MON2: variants seen among roughly 807,000 people sequenced by gnomAD.
MON2 encodes the protein MON2 regulator of endosome-to-Golgi trafficking.
A neutral mutation model predicts 208.6 loss-of-function variants in MON2; 84 were observed. That is an observed-to-expected ratio of 0.40 (90% CI 0.34 to 0.48). The LOEUF is 0.48. Ranked by LOEUF, MON2 falls within the 20% of genes least tolerant of loss-of-function variation. The pLI is 0.59. For missense variants in MON2, 1,611 were observed against 2,015.4 expected (o/e 0.80, Z 3.84); for synonymous variants, 660 against 694.0 (o/e 0.95, Z 0.77).
At chr12:62,562,321 A>G (rs1179953903) in intron 26 of MON2, among the ~76,000 whole-genome samples, 1 of 152,006 alleles carries the variant, frequency 6.6e-6, no homozygotes, top group Non-Finnish European at 1.5e-5. Context: ...TTTTTCAGAA[A>G]AAAATGTAAG....
intron 8 of MON2, among the ~76,000 whole-genome samples, chr12:62,514,172 G>T (rs939346483): frequency 3.9e-5 from 6 of 152,246 alleles, no homozygotes; most frequent in Middle Eastern, 3.4e-3. Context: ...GTCCTTATCA[G>T]CATTTTGGTC....
intron 4 of MON2, 36 bp downstream of exon 4, chr12:62,495,183 T>G: frequency 4.5e-6 from 7 of 1,548,458 alleles, no homozygotes; most frequent in African/African-American, 1.4e-5. Context: ...ATATGTGCTT[T>G]GAGACAGTAT....
intron 2 of MON2, among the ~76,000 whole-genome samples, chr12:62,489,048 C>T (rs2069960293): frequency 6.6e-6 from 1 of 152,006 alleles, no homozygotes; most frequent in African/African-American, 2.4e-5. Context: ...TATGATATTT[C>T]AGCAAGTGGA....
At chr12:62,504,289 G>A (rs2070993479) in intron 7 of MON2, among the ~76,000 whole-genome samples, 1 of 144,496 alleles carries the variant, frequency 6.9e-6, no homozygotes, top group Non-Finnish European at 1.5e-5. Context: ...CTGTCGCCCA[G>A]GTTGGAGTGC....
chr12:62,588,882 C>T, intron 34 of MON2: 5 of 1,479,676 alleles, frequency 3.4e-6, no homozygotes, highest in Non-Finnish European at 4.5e-6. Context: ...TGGAATACCA[C>T]CCTACTTTTA....
chr12:62,557,963 T>TATATATATATATATA (rs1491431148), intron 25 of MON2, among the ~76,000 whole-genome samples: 11 of 19,554 alleles, frequency 5.6e-4, no homozygotes, highest in African/African-American at 1.8e-3. Flanking sequence ...TATATATATA[T>TATATATATATATATA]TTTTTTTTTT....
rs529596767 is a variant in MON2 at position 62,544,994 on chromosome 12, C to T, written c.2563C>T (p.Leu855Phe). The T allele has an allele frequency of 6.3e-7, 1 of 1,583,192 alleles. No homozygotes were observed. The highest frequency in any genetic ancestry group is 8.6e-7 in the Non-Finnish European group (1 of 1,164,168). Residue 855 changes from leucine (L) to phenylalanine (F), a missense_variant, in exon 21 of 35, where the codon CTC becomes TTC. Leu to Phe is a conservative substitution (Grantham distance 22, BLOSUM62 0). Coordinates refer to ENST00000393630, the MANE Select transcript of MON2 (RefSeq NM_015026.3). ...ATTAACATTTAACCATGATCCTCCA[C>T]TCTCACAAAACCAGGTAATAAAAAC... ...AGLTFNHDPPLSQNQRLQLLL... is the reference protein window; with the variant it reads ...AGLTFNHDPPFSQNQRLQLLL...
At chr12:62,568,947 C>T (rs371084414) in intron 29 of MON2, among the ~76,000 whole-genome samples, 15 of 152,090 alleles carry the variant, frequency 9.9e-5, no homozygotes, top group African/African-American at 1.7e-4. Context: ...AACACCATGC[C>T]GAGCCACTCA....
At chr12:62,589,929 G>A (rs2075343268) in intron 34 of MON2, among the ~76,000 whole-genome samples, 3 of 152,120 alleles carry the variant, frequency 2.0e-5, no homozygotes, top group Admixed American at 2.0e-4. Context: ...CTGGGTCTAT[G>A]AAGTGAAAAT....
At chr12:62,578,333 C>A in intron 30 of MON2, 112 bp from the exon 31 acceptor site, 1 of 680,230 alleles carries the variant, frequency 1.5e-6, no homozygotes, top group Non-Finnish European at 2.5e-6. Flanking sequence ...TAATAATGCC[C>A]CAACCTGGGT....
At chr12:62,490,024 CT>C (rs1352170130) in intron 2 of MON2, 29 of 1,209,852 alleles carry the variant, frequency 2.4e-5, no homozygotes, top group Admixed American at 5.1e-5. Flanking sequence ...TAGTTTAATT[CT>C]TTTTTTCCAG....
At position 62,467,022 on chromosome 12, in the gene MON2, C is replaced by T. The variant is rs2068549474; in HGVS notation, c.-186C>T. Reference sequence around the variant, plus strand: ...CTGCGGGGGGCGCCTCCGAGAAAAGCCAGAGGTGTTGCGGGGAAGCTGCTG... The same window carrying T: ...CTGCGGGGGGCGCCTCCGAGAAAAGTCAGAGGTGTTGCGGGGAAGCTGCTG... On this transcript the variant is annotated 5_prime_UTR_variant, in exon 1 of 35. Coordinates refer to ENST00000393630, the MANE Select transcript of MON2 (RefSeq NM_015026.3). 5.5e-6 allele frequency: 3 copies of T among 545,664 alleles called. No homozygotes were observed. Among genetic ancestry groups the T allele is most frequent in the Admixed American group, 6.9e-5 (2 of 29,026 alleles). The allele number at this position is 545,664 out of a possible 1,614,324, so 33.8% of individuals were successfully genotyped here. A position where few individuals can be genotyped will look rare whatever the true frequency, so the allele number is the denominator to read the frequency against.
intron 1 of MON2, chr12:62,470,601 A>G (rs937288624): frequency 2.0e-5 from 7 of 353,630 alleles, no homozygotes; most frequent in African/African-American, 6.6e-5. Context: ...GATCACTTCT[A>G]TGTGATTAAT....
At chr12:62,592,352 T>C (rs1014497121) in intron 34 of MON2, among the ~76,000 whole-genome samples, 2 of 152,194 alleles carry the variant, frequency 1.3e-5, no homozygotes, top group African/African-American at 2.4e-5. Context: ...AAAATGTACT[T>C]TATCAAATTT....
chr12:62,539,409 G>A (rs1258704750), intron 19 of MON2, among the ~76,000 whole-genome samples: 1 of 151,608 alleles, frequency 6.6e-6, no homozygotes, highest in Non-Finnish European at 1.5e-5. Flanking sequence ...GACTACAGGT[G>A]CCCGCCACCA....
At chr12:62,483,635 G>A (rs2069582100) in intron 1 of MON2, among the ~76,000 whole-genome samples, 1 of 152,230 alleles carries the variant, frequency 6.6e-6, no homozygotes, top group Admixed American at 6.5e-5. Flanking sequence ...AGAATGGCTT[G>A]AACCAGGGAG....
At chr12:62,499,461 G>A (rs1489592105) in intron 5 of MON2, among the ~76,000 whole-genome samples, 1 of 152,074 alleles carries the variant, frequency 6.6e-6, no homozygotes, top group Non-Finnish European at 1.5e-5. Context: ...ACTGTTTTGG[G>A]TGGTTTCCTA....
In MON2 at chr12:62,508,469, T is replaced by C; in HGVS notation, c.973T>C (p.Tyr325His). ...AGTATCTGTTCTGATTAAGCAGTTT[T>C]ACAGTCTTTTGGTAAGTGCTAATTT... is the stretch of plus-strand genomic sequence containing the variant. Reference protein sequence around the residue: ...RVVSVLIKQFYSLLVTECEIF... With the variant: ...RVVSVLIKQFHSLLVTECEIF... The change falls in exon 8 of 35, where the codon TAC becomes CAC. Residue 325 changes from tyrosine (Y) to histidine (H), a missense_variant. Transcript: ENST00000393630. The C allele has an allele frequency of 6.2e-7, 1 of 1,613,820 alleles. No homozygotes were observed. The highest frequency in any genetic ancestry group is 1.3e-5 in the African/African-American group (1 of 75,052).
In MON2 at chr12:62,592,748, G is replaced by T; in HGVS notation, c.5153G>T (p.Ter1718LeuextTer11). The change falls in exon 35 of 35, where the codon TGA becomes TTA. Residue 1718 changes from the stop codon to leucine, a stop_lost. Coordinates refer to ENST00000393630, the MANE Select transcript of MON2 (RefSeq NM_015026.3). ...TCCAGAGTTCAAAATGGAGAATCTT[G>T]ACCGGCTACAATATATTTGAAAGCA... ...PASRVQNGES[*>L] 1.3e-6 allele frequency: 2 copies of T among 1,588,166 alleles called. No individual in the cohort carries two copies. The highest frequency in any genetic ancestry group is 2.3e-5 in the South Asian group (2 of 88,490).
Sources: gnomAD v4.1 joint callset for allele counts (sites outside exome capture counted in the v4.1 genomes callset) on GRCh38, gnomAD v4.1.1 for gene constraint, MANE v1.5 for transcripts, NCBI Gene and HGNC (gene_info 2026-07-23, HGNC 2026-07-21) for gene names.